Variants in NBAS observed in about 807,000 individuals in gnomAD.
NBAS encodes the protein NAG/BC035112 fusion.
In NBAS, 219 loss-of-function variants were observed where a neutral mutation model predicts 302.5. The observed-to-expected ratio is 0.72, with a 90% confidence interval of 0.65 to 0.81. The LOEUF is 0.81. NBAS is among the 30% of genes least tolerant of loss of function. NBAS has a pLI of 0.00. For synonymous variants in NBAS, 1,118 were observed against 1,021.6 expected (o/e 1.09, Z -1.80); for missense variants, 2,932 against 2,841.6 (o/e 1.03, Z -0.72).
chr2:14,883,980 T>TA, the NBAS span, among the ~76,000 whole-genome samples: 2 of 149,482 alleles, frequency 1.3e-5, no homozygotes, highest in African/African-American at 2.5e-5. Context: ...TCAAAAAAAA[T>TA]AAAATAAAAT....
At chr2:15,133,581 AC>A in the NBAS span, among the ~76,000 whole-genome samples, 3 of 152,316 alleles carry the variant, frequency 2.0e-5, no homozygotes, top group South Asian at 4.1e-4. Flanking sequence ...AGTCTGACCT[AC>A]CAATGAAGGT....
At chr2:15,512,979 C>T (rs1442061856) in intron 9 of NBAS, among the ~76,000 whole-genome samples, 4 of 152,228 alleles carry the variant, frequency 2.6e-5, no homozygotes, top group Non-Finnish European at 4.4e-5. Flanking sequence ...AACCCACTTT[C>T]TAAAGTGTTT....
At chr2:14,831,025 C>G in the NBAS span, among the ~76,000 whole-genome samples, 2 of 152,170 alleles carry the variant, frequency 1.3e-5, no homozygotes, top group African/African-American at 4.8e-5. Flanking sequence ...TTGCCCACGG[C>G]CTGGAAGCCA....
At chr2:15,323,843 CAAACAAAAAAACAAA>C in intron 38 of NBAS, among the ~76,000 whole-genome samples, 1 of 145,654 alleles carries the variant, frequency 6.9e-6, no homozygotes. Context: ...TCAAAACAAA[CAAACAAAAAAACAAA>C]AAACAAAACA....
chr2:15,357,944 C>G (rs1673705744), intron 32 of NBAS, among the ~76,000 whole-genome samples: 1 of 152,126 alleles, frequency 6.6e-6, no homozygotes, highest in Admixed American at 6.5e-5. Flanking sequence ...TTCTTCTGTG[C>G]TCTCATGATG....
At chr2:14,940,771 A>C in the NBAS span, among the ~76,000 whole-genome samples, 1 of 152,190 alleles carries the variant, frequency 6.6e-6, no homozygotes, top group African/African-American at 2.4e-5. Context: ...CCCAGAATTC[A>C]ACACAATACT....
chr2:15,158,803 G>C, the NBAS span, among the ~76,000 whole-genome samples: 1 of 152,204 alleles, frequency 6.6e-6, no homozygotes, highest in Non-Finnish European at 1.5e-5. Context: ...CCCTTCTGGA[G>C]GGGGAGACTG....
At chr2:14,809,669 C>T in the NBAS span, among the ~76,000 whole-genome samples, 1 of 152,196 alleles carries the variant, frequency 6.6e-6, no homozygotes, top group Non-Finnish European at 1.5e-5. Flanking sequence ...AGAGCCCCCA[C>T]ACAGAGTTTC....
chr2:14,999,767 T>A, the NBAS span, among the ~76,000 whole-genome samples: 1 of 152,218 alleles, frequency 6.6e-6, no homozygotes. Context: ...CATTATCTAT[T>A]AATTTATCTA....
the NBAS span, among the ~76,000 whole-genome samples, chr2:14,986,279 T>C: frequency 2.0e-5 from 3 of 151,858 alleles, no homozygotes; most frequent in Non-Finnish European, 4.4e-5. Flanking sequence ...GATTGAAATG[T>C]TCCATTATAA....
At chr2:15,183,387 T>A (rs1035926002) in intron 50 of NBAS, among the ~76,000 whole-genome samples, 3 of 152,222 alleles carry the variant, frequency 2.0e-5, no homozygotes, top group East Asian at 3.8e-4. Flanking sequence ...ACTCTTTGAA[T>A]AATTATCTTT....
chr2:14,866,220 C>G, the NBAS span, among the ~76,000 whole-genome samples: 3 of 152,154 alleles, frequency 2.0e-5, no homozygotes, highest in Non-Finnish European at 1.5e-5. Flanking sequence ...GTCAGCTTAA[C>G]AGTGCAGGCT....
the NBAS span, among the ~76,000 whole-genome samples, chr2:14,862,833 G>C: frequency 6.6e-6 from 1 of 152,170 alleles, no homozygotes; most frequent in African/African-American, 2.4e-5. Flanking sequence ...GGCAGCCTTG[G>C]TGGTCGGGCA....
chr2:15,560,318 A>G (rs2148722749), intron 1 of NBAS, among the ~76,000 whole-genome samples: 1 of 152,250 alleles, frequency 6.6e-6, no homozygotes, highest in East Asian at 1.9e-4. Flanking sequence ...CAGACCCGGG[A>G]GGCCTTCACT....
the NBAS span, among the ~76,000 whole-genome samples, chr2:15,137,380 GA>G: frequency 6.6e-6 from 1 of 152,160 alleles, no homozygotes; most frequent in South Asian, 2.1e-4. Context: ...ATTGTCTGCT[GA>G]AAACTGCTGT....
At chr2:15,110,001 G>A in the NBAS span, among the ~76,000 whole-genome samples, 141 of 151,792 alleles carry the variant, frequency 9.3e-4, 3 homozygotes, top group South Asian at 0.029. Flanking sequence ...CCCCTCAAAA[G>A]GTCATCAAAA....
the NBAS span, among the ~76,000 whole-genome samples, chr2:14,971,708 C>T: frequency 6.6e-6 from 1 of 152,150 alleles, no homozygotes; most frequent in Non-Finnish European, 1.5e-5. Context: ...CAATGCCACA[C>T]TGAGATGATG....
chr2:14,957,694 C>T, the NBAS span, among the ~76,000 whole-genome samples: 11 of 152,200 alleles, frequency 7.2e-5, no homozygotes, highest in Non-Finnish European at 7.3e-5. Context: ...GTCTTCCTTG[C>T]TCCTTGGCTC....
chr2:15,209,388 T>C (rs1572453158), intron 48 of NBAS, among the ~76,000 whole-genome samples: 1 of 152,066 alleles, frequency 6.6e-6, no homozygotes, highest in East Asian at 1.9e-4. Flanking sequence ...ACCAATCCTA[T>C]TCCAACTATT....
Sources: allele counts gnomAD v4.1 joint callset (sites outside exome capture counted in the v4.1 genomes callset), GRCh38; gene constraint gnomAD v4.1.1; transcripts MANE v1.5; gene names NCBI Gene and HGNC (gene_info 2026-07-23, HGNC 2026-07-21).